WHRN: variants seen among roughly 807,000 people sequenced by gnomAD.
The protein encoded by WHRN is CASK-interacting protein CIP98.
Under a neutral mutation model 68.3 loss-of-function variants are expected in WHRN, and 41 were observed. The ratio of observed to expected loss-of-function variants is 0.60; its 90% CI spans 0.47 to 0.78. WHRN has a LOEUF of 0.78. Ranked by LOEUF, WHRN falls within the 30% of genes least tolerant of loss-of-function variation. The pLI, the probability that WHRN is intolerant of heterozygous loss-of-function variation, is 0.00. For missense variants in WHRN, 1,243 were observed against 1,244.7 expected (o/e 1.00, Z 0.02); for synonymous variants, 560 against 561.3 (o/e 1.00, Z 0.03).
chr9:114,487,323 G>C, intron 1 of WHRN, among the ~76,000 whole-genome samples: 1 of 151,024 alleles, frequency 6.6e-6, no homozygotes, highest in Non-Finnish European at 1.5e-5. Context: ...TTCCTGACTT[G>C]CTCTTGTACT....
At chr9:114,489,698 T>C (rs991572561) in intron 1 of WHRN, among the ~76,000 whole-genome samples, 4 of 152,220 alleles carry the variant, frequency 2.6e-5, no homozygotes, top group Non-Finnish European at 5.9e-5. Flanking sequence ...AACTACACCA[T>C]TCACATGGTA....
chr9:114,474,373 C>T (rs1174576258), intron 2 of WHRN, among the ~76,000 whole-genome samples: 2 of 152,132 alleles, frequency 1.3e-5, no homozygotes, highest in Non-Finnish European at 2.9e-5. Flanking sequence ...CTTCTTCCCT[C>T]GCCAGCTAAG....
chr9:114,446,255 T>C (rs1838811632), intron 3 of WHRN, among the ~76,000 whole-genome samples: 1 of 152,314 alleles, frequency 6.6e-6, no homozygotes, highest in Middle Eastern at 3.4e-3. Context: ...AGGCCACATA[T>C]TCTATGATTC....
chr9:114,493,658 G>A (rs1433211622), intron 1 of WHRN, among the ~76,000 whole-genome samples: 2 of 152,038 alleles, frequency 1.3e-5, no homozygotes, highest in Non-Finnish European at 2.9e-5. Context: ...CACAGACAAC[G>A]TACAAAATAA....
In WHRN at chr9:114,483,029, A is replaced by G. The variant is rs147021572; in HGVS notation, c.619-4258T>C. Among the ~76,000 whole-genome samples the G allele has an allele frequency of 2.0e-4, 31 of 152,314 alleles. No individual in the cohort carries two copies. The East Asian group carries it at 5.8e-3, about 28-fold the overall frequency. Reference sequence around the variant, plus strand: ...TGGGTCTCCTTCCCCTCTGCACCTCAGTTTCCCCATCACAGGACTCTGAGA... The same window carrying G: ...TGGGTCTCCTTCCCCTCTGCACCTCGGTTTCCCCATCACAGGACTCTGAGA... On this transcript the variant is annotated intron_variant, in intron 1 of 11. Transcript: ENST00000362057.
chr9:114,427,295 G>C (rs1322538806), intron 3 of WHRN, among the ~76,000 whole-genome samples: 1 of 152,184 alleles, frequency 6.6e-6, no homozygotes, highest in Non-Finnish European at 1.5e-5. Flanking sequence ...TGTAAAAACA[G>C]AGGCAAAAAA....
At chr9:114,498,492 T>G (rs1267531664) in intron 1 of WHRN, among the ~76,000 whole-genome samples, 1 of 152,114 alleles carries the variant, frequency 6.6e-6, no homozygotes, top group East Asian at 1.9e-4. Flanking sequence ...TGTCCAAGTA[T>G]CAGCCACAGG....
At chr9:114,427,135 T>G (rs914693443) in intron 3 of WHRN, among the ~76,000 whole-genome samples, 1 of 152,174 alleles carries the variant, frequency 6.6e-6, no homozygotes, top group Non-Finnish European at 1.5e-5. Context: ...TGTGTGCCTA[T>G]AGTCCTTAGC....
chr9:114,482,633 C>T (rs923279661), intron 1 of WHRN, among the ~76,000 whole-genome samples: 4 of 151,884 alleles, frequency 2.6e-5, no homozygotes, highest in South Asian at 2.1e-4. Context: ...CTCAGCATGT[C>T]TGCATGGAGA....
intron 9 of WHRN, among the ~76,000 whole-genome samples, chr9:114,405,848 C>T (rs1250511169): frequency 6.6e-6 from 1 of 152,260 alleles, no homozygotes; most frequent in Admixed American, 6.5e-5. Context: ...TTCCCTCTAC[C>T]CCACAGCCCA....
At chr9:114,485,459 G>A (rs935312951) in intron 1 of WHRN, among the ~76,000 whole-genome samples, 2 of 152,158 alleles carry the variant, frequency 1.3e-5, no homozygotes, top group Non-Finnish European at 2.9e-5. Context: ...GGGAGGCCGA[G>A]GCGGGTGGAT....
intron 2 of WHRN, among the ~76,000 whole-genome samples, chr9:114,472,613 G>A (rs373169163): frequency 6.6e-5 from 10 of 152,018 alleles, no homozygotes; most frequent in African/African-American, 7.2e-5. Flanking sequence ...TGCCCGTTAC[G>A]GTCCCCCCAC....
chr9:114,414,312 T>A (rs1282598508), intron 7 of WHRN, among the ~76,000 whole-genome samples: 3 of 152,256 alleles, frequency 2.0e-5, no homozygotes, highest in African/African-American at 7.2e-5. Context: ...TAAAGTAGCA[T>A]GTTTTACGTT....
intron 3 of WHRN, among the ~76,000 whole-genome samples, chr9:114,437,050 T>C (rs1018169319): frequency 3.3e-5 from 5 of 152,262 alleles, no homozygotes; most frequent in Middle Eastern, 3.4e-3. Context: ...CCTCCGTAAT[T>C]ACACCAGTGT....
intron 3 of WHRN, among the ~76,000 whole-genome samples, chr9:114,446,096 C>T (rs149487436): frequency 3.7e-4 from 57 of 152,228 alleles, no homozygotes; most frequent in African/African-American, 1.2e-3. Flanking sequence ...CATCAAGATG[C>T]CAACAGATGG....
chr9:114,480,581 C>A lies in WHRN; in HGVS notation c.619-1810G>T, dbSNP rs995831908. Among the ~76,000 whole-genome samples, 13 of 152,070 alleles carry A rather than the reference C, an allele frequency of 8.5e-5. 1 individual carries two copies. Among genetic ancestry groups the A allele is most frequent in the Admixed American group, 7.2e-4 (11 of 15,270 alleles). On this transcript the variant is annotated intron_variant, in intron 1 of 11. Transcript: ENST00000362057. ...TCACCAGAACCCGAGAACAATGGCA[C>A]CCTGATCTCAGACTTCTGGACTCCA...
chr9:114,403,080 G>C (rs912555918), intron 11 of WHRN, 137 bp downstream of exon 11: 2 of 1,540,656 alleles, frequency 1.3e-6, no homozygotes, highest in South Asian at 1.1e-5. Flanking sequence ...CTGAGGCCCG[G>C]AAGAGCAAAG....
chr9:114,445,688 G>A (rs768211027), intron 3 of WHRN, among the ~76,000 whole-genome samples: 1 of 152,072 alleles, frequency 6.6e-6, no homozygotes, highest in Non-Finnish European at 1.5e-5. Context: ...GCCGTGCCAC[G>A]CTGGAGAAGA....
chr9:114,467,095 C>T (rs1840774223), intron 2 of WHRN, among the ~76,000 whole-genome samples: 1 of 150,142 alleles, frequency 6.7e-6, no homozygotes, highest in Non-Finnish European at 1.5e-5. Context: ...GGTCTCCTGT[C>T]ACTTCAGGAG....
Sources: allele counts gnomAD v4.1 joint callset (sites outside exome capture counted in the v4.1 genomes callset), GRCh38; gene constraint gnomAD v4.1.1; transcripts MANE v1.5; gene names NCBI Gene and HGNC (gene_info 2026-07-23, HGNC 2026-07-21).